The following CDX1 variants were observed in gnomAD, a reference collection of about 807,000 sequenced individuals.
CDX1 encodes homeobox protein CDX-1.
CDX1 carries 9 observed loss-of-function variants against 16.9 expected under a neutral mutation model. The ratio of observed to expected loss-of-function variants is 0.53; its 90% confidence interval spans 0.32 to 0.93. The LOEUF (loss-of-function observed/expected upper bound fraction) is 0.93. CDX1 is among the 40% of genes least tolerant of loss of function. CDX1 has a pLI of 0.04. For missense variants in CDX1, 393 were observed against 386.1 expected (o/e 1.02, Z -0.15); for synonymous variants, 179 against 179.0 (o/e 1.00, Z 0.00).
intron 1 of CDX1, among the ~76,000 whole-genome samples, chr5:150,168,630 G>T (rs1761464147): frequency 6.6e-6 from 1 of 152,212 alleles, no homozygotes. Flanking sequence ...TTAAGATGAA[G>T]AAACTATGGC....
At chr5:150,173,034 G>A (rs1269649710) in intron 1 of CDX1, among the ~76,000 whole-genome samples, 2 of 152,042 alleles carry the variant, frequency 1.3e-5, no homozygotes, top group African/African-American at 2.4e-5. Flanking sequence ...CCCATGCCAC[G>A]CTCACCCCTC....
At chr5:150,182,715 T>C (rs1382756150) in intron 1 of CDX1, 53 bp from the exon 2 acceptor site, 2 of 1,496,798 alleles carry the variant, frequency 1.3e-6, no homozygotes, top group Non-Finnish European at 1.8e-6. Context: ...GGGCCTTTTT[T>C]GTAGCCTCCT....
In CDX1 at chr5:150,183,785, G is replaced by A. The variant is rs1163290049; in HGVS notation, c.*105G>A. 2.2e-6 allele frequency: 2 copies of A among 896,388 alleles called. No homozygotes were observed. The highest frequency in any genetic ancestry group is 3.6e-4 in the Middle Eastern group (1 of 2,816). 55.5% of individuals were successfully genotyped at this position (896,388 alleles called of 1,614,324 possible). A position where few individuals can be genotyped will look rare whatever the true frequency, so the allele number is the denominator to read the frequency against. On this transcript the variant is annotated 3_prime_UTR_variant, in exon 3 of 3. Coordinates refer to ENST00000231656, the MANE Select transcript of CDX1 (RefSeq NM_001804.3). The stretch of plus-strand genomic sequence containing the variant: ...GTCCGAGTCTCAGCCCTGACCTTCT[G>A]GGACATGGTGGACAGTCACCTATCC...
chr5:150,168,944 C>G (rs1761469588), intron 1 of CDX1, among the ~76,000 whole-genome samples: 2 of 152,316 alleles, frequency 1.3e-5, no homozygotes, highest in South Asian at 2.1e-4. Context: ...GAAGCTTTAT[C>G]CATAAATCCG....
chr5:150,172,208 G>T (rs1761516807), intron 1 of CDX1, among the ~76,000 whole-genome samples: 1 of 152,176 alleles, frequency 6.6e-6, no homozygotes, highest in South Asian at 2.1e-4. Context: ...TACTTTCATT[G>T]TCTTGTTTAT....
At position 150,182,908 on chromosome 5, in the gene CDX1, C is replaced by T. The variant is rs143202475; in HGVS notation, c.586C>T (p.Arg196Trp). The T allele has an allele frequency of 1.1e-5, 18 of 1,605,524 alleles. No homozygotes were observed. The highest frequency in any genetic ancestry group is 4.5e-5 in the South Asian group (4 of 89,134). ...ELAANLGLTE[R>W]QVKIWFQNRR... The stretch of plus-strand genomic sequence containing the variant: ...GGCTGCCAATCTGGGGCTCACTGAA[C>T]GGCAGGTGTGTCTGTCTTCCTATCT... The change falls in exon 2 of 3, where the codon CGG becomes TGG. Residue 196 changes from arginine (R) to tryptophan (W), a missense_variant. Coordinates refer to ENST00000231656, the MANE Select transcript of CDX1 (RefSeq NM_001804.3).
In CDX1 at chr5:150,183,662, A is replaced by G. The variant is rs556736390; in HGVS notation, c.780A>G (p.Lys260=). The change falls in exon 3 of 3, where the codon AAA becomes AAG. Residue 260 remains lysine, a synonymous_variant. Coordinates refer to ENST00000231656, the MANE Select transcript of CDX1 (RefSeq NM_001804.3). ...LLATSSPMPV[K]EEFLP ...CCACCTCCTCTCCAATGCCTGTGAA[A>G]GAGGAGTTTCTGCCATAGCCCCATG... 1.3e-5 allele frequency: 21 copies of G among 1,590,678 alleles called. No homozygotes were observed. Among genetic ancestry groups the G allele is most frequent in the Non-Finnish European group, 1.7e-5 (20 of 1,166,140 alleles).
intron 1 of CDX1, among the ~76,000 whole-genome samples, chr5:150,173,718 G>A (rs959963763): frequency 6.0e-4 from 91 of 152,200 alleles, no homozygotes; most frequent in African/African-American, 2.0e-3. Context: ...AGTGTGTTCA[G>A]CATTTTTTCA....
intron 1 of CDX1, among the ~76,000 whole-genome samples, chr5:150,173,246 CTGAG>C (rs1288208592): frequency 6.6e-6 from 1 of 152,236 alleles, no homozygotes; most frequent in Non-Finnish European, 1.5e-5. Context: ...GTAATATTCT[CTGAG>C]TGAGTGTCTT....
intron 1 of CDX1, among the ~76,000 whole-genome samples, chr5:150,171,623 A>G (rs1761508530): frequency 6.6e-6 from 1 of 152,212 alleles, no homozygotes; most frequent in East Asian, 1.9e-4. Context: ...GGCGTGAGCC[A>G]CCGTGTCCGG....
intron 1 of CDX1, among the ~76,000 whole-genome samples, chr5:150,171,828 A>G (rs1409918284): frequency 3.3e-5 from 5 of 152,184 alleles, no homozygotes; most frequent in African/African-American, 1.2e-4. Flanking sequence ...AGCTTCGGAC[A>G]AGTTAATTTG....
At chr5:150,180,742 C>CT (rs1213760312) in intron 1 of CDX1, among the ~76,000 whole-genome samples, 1 of 152,100 alleles carries the variant, frequency 6.6e-6, no homozygotes, top group African/African-American at 2.4e-5. Context: ...TGCTCAGCTT[C>CT]TTATAAAGGA....
intron 1 of CDX1, among the ~76,000 whole-genome samples, chr5:150,179,537 T>A (rs1351511538): frequency 6.6e-6 from 1 of 152,186 alleles, no homozygotes; most frequent in Non-Finnish European, 1.5e-5. Flanking sequence ...CTGAGCCCAT[T>A]TCCCCCCACC....
At chr5:150,183,405 C>G (rs910416504) in intron 2 of CDX1, 69 bp from the exon 3 acceptor site, 95 of 1,385,204 alleles carry the variant, frequency 6.9e-5, no homozygotes, top group Non-Finnish European at 9.1e-5. Context: ...GTCCTCGTCT[C>G]TCCTTCTTGC....
At chr5:150,177,937 A>T (rs1046811729) in intron 1 of CDX1, among the ~76,000 whole-genome samples, 3 of 152,144 alleles carry the variant, frequency 2.0e-5, no homozygotes, top group Non-Finnish European at 2.9e-5. Flanking sequence ...GAGAAGGGTG[A>T]CAAGGTCTGT....
At chr5:150,167,350 C>G in intron 1 of CDX1, 29 bp downstream of exon 1, 1 of 1,235,570 alleles carries the variant, frequency 8.1e-7, no homozygotes, top group Non-Finnish European at 1.0e-6. Flanking sequence ...CCCTGCGCCT[C>G]TGGACCTGCA....
intron 1 of CDX1, among the ~76,000 whole-genome samples, chr5:150,181,655 C>G (rs1332642292): frequency 6.6e-6 from 1 of 152,226 alleles, no homozygotes; most frequent in Non-Finnish European, 1.5e-5. Context: ...ACGGCCCATT[C>G]TATTTAAAAT....
chr5:150,176,149 C>CTG (rs1761566103), intron 1 of CDX1, among the ~76,000 whole-genome samples: 1 of 152,220 alleles, frequency 6.6e-6, no homozygotes, highest in Non-Finnish European at 1.5e-5. Context: ...TTAGGCCCCT[C>CTG]ACCAGAAGTG....
intron 1 of CDX1, among the ~76,000 whole-genome samples, chr5:150,175,316 C>G (rs1761555280): frequency 6.6e-6 from 1 of 152,234 alleles, no homozygotes; most frequent in Non-Finnish European, 1.5e-5. Flanking sequence ...CGGTCTCTGT[C>G]TGACTCTAAA....
Sources: gnomAD v4.1 joint callset for allele counts (sites outside exome capture counted in the v4.1 genomes callset) on GRCh38, gnomAD v4.1.1 for gene constraint, MANE v1.5 for transcripts, NCBI Gene and HGNC (gene_info 2026-07-23, HGNC 2026-07-21) for gene names.